The following GHDC variants were observed in gnomAD, a reference collection of about 807,000 sequenced individuals.
GHDC encodes the protein GH3 domain containing, also known as GH3 domain-containing protein.
In GHDC, 39 loss-of-function variants were observed where a neutral mutation model predicts 51.5. That is an observed-to-expected ratio of 0.76 (90% CI 0.59 to 0.99). The LOEUF is 0.99. Ranked by LOEUF, GHDC falls within the 50% of genes least tolerant of loss-of-function variation. The probability of loss-of-function intolerance (pLI) is 0.00; values close to 1 mark genes in which losing one functional copy is unlikely to be tolerated. For missense variants in GHDC, 610 were observed against 672.8 expected (o/e 0.91, Z 1.03); for synonymous variants, 282 against 305.2 (o/e 0.92, Z 0.79).
chr17:42,191,747 A>G (rs1233149042), intron 5 of GHDC, among the ~76,000 whole-genome samples: 1 of 134,204 alleles, frequency 7.5e-6, no homozygotes, highest in Non-Finnish European at 1.5e-5. Context: ...CCCGTGAGCC[A>G]CTGCCCCGGC....
chr17:42,191,137 G>A lies in GHDC; in HGVS notation c.963C>T (p.Ile321=), dbSNP rs139408288. 42 of 1,555,152 alleles carry A rather than the reference G, an allele frequency of 2.7e-5. No homozygotes were observed. Among genetic ancestry groups the A allele is most frequent in the Non-Finnish European group, 3.1e-5 (36 of 1,155,338 alleles). The part of the protein sequence containing the change: ...LYLLPPGAPF[I]ELLPVKEGTQ... Reference sequence around the variant, plus strand: ...TGCCTTCCTTGACTGGGAGCAGCTCGATAAAGGGGGCCCCAGGGGGCAGAA... The same window carrying A: ...TGCCTTCCTTGACTGGGAGCAGCTCAATAAAGGGGGCCCCAGGGGGCAGAA... Residue 321 remains isoleucine (I), a synonymous_variant, in exon 6 of 10, where the codon ATC becomes ATT. Coordinates refer to ENST00000587427, the MANE Select transcript of GHDC (RefSeq NM_032484.5).
rs2079948162 is a variant in GHDC at position 42,189,240 on chromosome 17, A to C, written c.*463T>G. On this transcript the variant is annotated 3_prime_UTR_variant, in exon 10 of 10. Coordinates refer to ENST00000587427, the MANE Select transcript of GHDC (RefSeq NM_032484.5). ...ACTCCATCCTGCTGGGCATCCTCTG[A>C]GAGTTTATGTAGAATACACTTCAGA... is the stretch of plus-strand genomic sequence containing the variant. 8 of 397,206 alleles carry C rather than the reference A, an allele frequency of 2.0e-5. No homozygotes were observed. Among genetic ancestry groups the C allele is most frequent in the Middle Eastern group, 6.2e-4 (1 of 1,610 alleles). 24.6% of individuals were successfully genotyped at this position (397,206 alleles called of 1,614,324 possible).
chr17:42,193,650 TC>T (rs1010849906), intron 2 of GHDC, 56 bp from the exon 3 acceptor site: 53 of 1,474,638 alleles, frequency 3.6e-5, no homozygotes, highest in Non-Finnish European at 4.8e-5. Context: ...CCATTTCTCC[TC>T]CCACGCTCTA....
rs1327902353 is a variant in GHDC at position 42,192,998 on chromosome 17, G to A, written c.295C>T (p.Leu99=). ...TGCTGGGTCTGGCTGGCCTTGGTCA[G>A]AGGGAGATGATTCCGGAAGGTGCTT... ...DISTFRNHLP[L]TKASQTQQED... Residue 99 remains leucine (L), a synonymous_variant, in exon 4 of 10, where the codon CTG becomes TTG. Transcript: ENST00000587427. 2.4e-5 allele frequency: 39 copies of A among 1,614,070 alleles called. No homozygotes were observed. Among genetic ancestry groups the A allele is most frequent in the Non-Finnish European group, 3.2e-5 (38 of 1,180,044 alleles).
Position 42,190,892 on chromosome 17 carries a change from C to A in GHDC, c.1094G>T (p.Gly365Val). 1 of 1,608,586 alleles carries A rather than the reference C, an allele frequency of 6.2e-7. No individual in the cohort carries two copies. Among genetic ancestry groups the A allele is most frequent in the Admixed American group, 1.7e-5 (1 of 58,138 alleles). Reference sequence around the variant, plus strand: ...GGCACCAACCACTCGCACCACATCACCCAGGCGGCACCTGATGGGGTGCAA... The same window carrying A: ...GGCACCAACCACTCGCACCACATCAACCAGGCGGCACCTGATGGGGTGCAA... The part of the protein sequence containing the change: ...DRASLTRCRL[G>V]DVVRVVGAYN... Residue 365 changes from glycine to valine, a missense_variant, in exon 7 of 10, where the codon GGT becomes GTT. By Grantham distance (109) the Gly-to-Val change is moderately radical (BLOSUM62 -3). Transcript: ENST00000587427.
Position 42,189,677 on chromosome 17 carries a change from A to C in GHDC, c.*26T>G. 1 of 1,283,284 alleles carries C rather than the reference A, an allele frequency of 7.8e-7. No homozygotes were observed. Among genetic ancestry groups the C allele is most frequent in the African/African-American group, 1.5e-5 (1 of 66,102 alleles). The allele number at this position is 1,283,284 out of a possible 1,614,324, so 79.5% of individuals were successfully genotyped here. A position where few individuals can be genotyped will look rare whatever the true frequency, so the allele number is the denominator to read the frequency against. On this transcript the variant is annotated 3_prime_UTR_variant, in exon 10 of 10. Coordinates refer to ENST00000587427, the MANE Select transcript of GHDC (RefSeq NM_032484.5). The stretch of plus-strand genomic sequence containing the variant: ...GAGGGGCGAGGTGGCCTCTGGGGGG[A>C]GCTGGGCGGTGGGGCAGGACTTGAC...
In GHDC at chr17:42,193,421, C is replaced by T. The variant is rs2079985559; in HGVS notation, c.161G>A (p.Arg54Lys). 1 of 1,567,034 alleles carries T rather than the reference C, an allele frequency of 6.4e-7. No individual in the cohort carries two copies. The highest frequency in any genetic ancestry group is 1.3e-5 in the African/African-American group (1 of 74,144). ...CACATGGAGCGTGCTCTGCTCCAGC[C>T]TCCGCCGCTGCCAGGTGGCTGCCCA... ...LVWAATWQRR[R>K]LEQSTLHVHQ... is the part of the protein sequence containing the mutation. The change falls in exon 3 of 10, where the codon AGG becomes AAG. Residue 54 changes from arginine to lysine, a missense_variant. This residue lies in a region of GHDC where 198 missense variants were observed against 262.3 expected (regional missense o/e 0.75). Coordinates refer to ENST00000587427, the MANE Select transcript of GHDC (RefSeq NM_032484.5).
In GHDC at chr17:42,190,286, A is replaced by ATG; in HGVS notation, c.1289-18_1289-17dup. On this transcript the variant is annotated splice_polypyrimidine_tract_variant and intron_variant, in intron 8 of 9. Coordinates refer to ENST00000587427, the MANE Select transcript of GHDC (RefSeq NM_032484.5). ...GCAGAGGAATCTGTGAATAGACCCC[A>ATG]TGTGCACACATACTTCCGGTGAATG... The ATG allele has an allele frequency of 6.2e-7, 1 of 1,614,144 alleles. No individual in the cohort carries two copies. The highest frequency in any genetic ancestry group is 8.5e-7 in the Non-Finnish European group (1 of 1,180,012).
chr17:42,193,247 C>A, intron 3 of GHDC, 70 bp downstream of exon 3: 1 of 1,521,148 alleles, frequency 6.6e-7, no homozygotes, highest in South Asian at 1.3e-5. Flanking sequence ...GGCCATCAGG[C>A]TCTGGAATCT....
chr17:42,193,147 G>C (rs772881247), intron 3 of GHDC, 120 bp from the exon 4 acceptor site: 53 of 1,550,346 alleles, frequency 3.4e-5, no homozygotes, highest in Non-Finnish European at 4.3e-5. Context: ...GAGGATGTAA[G>C]GACCCAGCAT....
chr17:42,193,162 A>G, intron 3 of GHDC, 135 bp from the exon 4 acceptor site: 1 of 1,541,370 alleles, frequency 6.5e-7, no homozygotes, highest in Non-Finnish European at 8.8e-7. Context: ...CAGCATGGGA[A>G]ATTCATCTTG....
In GHDC at chr17:42,189,672, G is replaced by A. The variant is rs766276257; in HGVS notation, c.*31C>T. ...AGAGGGAGGGGCGAGGTGGCCTCTG[G>A]GGGGAGCTGGGCGGTGGGGCAGGAC... On this transcript the variant is annotated 3_prime_UTR_variant, in exon 10 of 10. Transcript: ENST00000587427. The A allele has an allele frequency of 3.2e-6, 4 of 1,242,928 alleles. No individual in the cohort carries two copies. The African/African-American group carries it at 6.1e-5, about 19-fold the overall frequency. 77.0% of individuals were successfully genotyped at this position (1,242,928 alleles called of 1,614,324 possible). A position where few individuals can be genotyped will look rare whatever the true frequency, so the allele number is the denominator to read the frequency against.
chr17:42,191,758 CT>C (rs71357532), intron 5 of GHDC, among the ~76,000 whole-genome samples: 4,873 of 101,102 alleles, frequency 0.048, 70 homozygotes, highest in Non-Finnish European at 0.066. Flanking sequence ...CTGCCCCGGC[CT>C]TTTTTTTTTT....
chr17:42,193,004 G>A lies in GHDC; in HGVS notation c.289C>T (p.Leu97Phe). 1 of 1,614,158 alleles carries A rather than the reference G, an allele frequency of 6.2e-7. No individual in the cohort carries two copies. The highest frequency in any genetic ancestry group is 8.5e-7 in the Non-Finnish European group (1 of 1,180,030). The change falls in exon 4 of 10, where the codon CTC becomes TTC. Residue 97 changes from leucine (L) to phenylalanine (F), a missense_variant. By Grantham distance (22) the Leu-to-Phe change is conservative. Around this residue, in one of 2 missense-constraint regions of GHDC, gnomAD observed 198 missense variants for 262.3 expected, o/e 0.75. Transcript: ENST00000587427. ...STDISTFRNH[L>F]PLTKASQTQQ... ...GTCTGGCTGGCCTTGGTCAGAGGGA[G>A]ATGATTCCGGAAGGTGCTTATGTCT...
chr17:42,190,685 T>G lies in GHDC; in HGVS notation c.1227A>C (p.Ala409=), dbSNP rs1434250208. The G allele has an allele frequency of 6.2e-7, 1 of 1,613,938 alleles. No homozygotes were observed. Among genetic ancestry groups the G allele is most frequent in the Non-Finnish European group, 8.5e-7 (1 of 1,179,986 alleles). The change falls in exon 8 of 10, where the codon GCA becomes GCC. Residue 409 remains alanine, a synonymous_variant. Transcript: ENST00000587427. ...EDLFSEALGR[A]VGQWAGAKLL... ...GCTTGGCCCCCGCCCACTGCCCCAC[T>G]GCCCGGCCCAGGGCCTCAGAGAACA... is the stretch of plus-strand genomic sequence containing the variant.
intron 8 of GHDC, 108 bp downstream of exon 8, chr17:42,190,516 A>C (rs1258305948): frequency 1.4e-6 from 2 of 1,438,316 alleles, no homozygotes; most frequent in African/African-American, 2.9e-5. Flanking sequence ...GGACTTTTGT[A>C]GGAGTAGTAA....
rs766276257 is a variant in GHDC at position 42,189,672 on chromosome 17, G to C, written c.*31C>G. ...AGAGGGAGGGGCGAGGTGGCCTCTGGGGGGAGCTGGGCGGTGGGGCAGGAC... is the reference window on the plus strand; with the variant it reads ...AGAGGGAGGGGCGAGGTGGCCTCTGCGGGGAGCTGGGCGGTGGGGCAGGAC... On this transcript the variant is annotated 3_prime_UTR_variant, in exon 10 of 10. Coordinates refer to ENST00000587427, the MANE Select transcript of GHDC (RefSeq NM_032484.5). 27 of 1,242,926 alleles carry C rather than the reference G, an allele frequency of 2.2e-5. No homozygotes were observed. The highest frequency in any genetic ancestry group is 6.6e-5 in the Admixed American group (2 of 30,232). The allele number at this position is 1,242,926 out of a possible 1,614,324, so 77.0% of individuals were successfully genotyped here.
intron 9 of GHDC, 21 bp from the exon 10 acceptor site, chr17:42,189,942 G>A (rs758769861): frequency 2.0e-6 from 3 of 1,492,698 alleles, no homozygotes; most frequent in African/African-American, 2.8e-5. Flanking sequence ...AACAGCCTGA[G>A]TGAGCTGGTG....
In GHDC at chr17:42,190,641, A is replaced by G; in HGVS notation, c.1271T>C (p.Val424Ala). ...AGAKLLDHGC[V>A]ESSILDSSAG... The stretch of plus-strand genomic sequence containing the variant: ...AGGCTCACCCAGAATGCTGCTCTCC[A>G]CACAGCCATGGTCCAGCAGCTTGGC... Residue 424 changes from valine (V) to alanine (A), a missense_variant, in exon 8 of 10, where the codon GTG (valine) becomes GCG (alanine). Physicochemically the swap from Val to Ala is moderately conservative, Grantham distance 64 (BLOSUM62 0). Transcript: ENST00000587427. The G allele has an allele frequency of 6.2e-7, 1 of 1,612,650 alleles. No homozygotes were observed. The highest frequency in any genetic ancestry group is 1.3e-5 in the African/African-American group (1 of 75,040).
Sources: allele counts gnomAD v4.1 joint callset (sites outside exome capture counted in the v4.1 genomes callset), GRCh38; gene constraint gnomAD v4.1.1; regional missense constraint gnomAD v4.1.1; transcripts MANE v1.5; gene names NCBI Gene and HGNC (gene_info 2026-07-23, HGNC 2026-07-21).